Variants in RFX2 observed in about 807,000 individuals in gnomAD.
RFX2 encodes the protein DNA-binding protein RFX2.
Under a neutral mutation model 87.8 loss-of-function variants are expected in RFX2, and 20 were observed. That is an observed-to-expected ratio of 0.23 (90% confidence interval 0.16 to 0.33). The LOEUF is 0.33. Ranked by LOEUF, RFX2 falls within the 10% of genes least tolerant of loss-of-function variation. The pLI, the probability that RFX2 is intolerant of heterozygous loss-of-function variation, is 1.00. For synonymous variants in RFX2, 397 were observed against 431.3 expected, an observed-to-expected ratio of 0.92 and a Z score of 0.98; for missense variants, 767 against 1,012.3, an observed-to-expected ratio of 0.76 and a Z score of 3.29.
rs1043749243 is a variant in RFX2 at position 6,056,973 on chromosome 19, C to A, written c.-8-9469G>T. On this transcript the variant is annotated intron_variant, in intron 1 of 17. Coordinates refer to ENST00000303657, the MANE Select transcript of RFX2 (RefSeq NM_000635.4). This position sits in a 1 kb window ranked among gnomAD's most constrained non-coding sequence, Gnocchi z 4.6. ...CCTCCCTCGTGCCTCAGAAATATGC[C>A]CGGAGTGCTGTTTATAAGCTGAGCA... 6.6e-6 allele frequency among the ~76,000 whole-genome samples: 1 copy of A among 152,140 alleles called. No homozygotes were observed. The highest frequency in any genetic ancestry group is 2.4e-5 in the African/African-American group (1 of 41,418).
intron 5 of RFX2, among the ~76,000 whole-genome samples, chr19:6,037,708 G>A (rs989113340): frequency 3.3e-5 from 5 of 152,072 alleles, no homozygotes; most frequent in Non-Finnish European, 5.9e-5. Flanking sequence ...AATAGTCAAC[G>A]CAATACTGAA....
Position 6,010,555 on chromosome 19 carries a change from C to A in RFX2, c.900-304G>T, listed in dbSNP as rs1325532920. ...CCCCATCCCTGTCCCCAGCCCCTGG[C>A]ACCCCTGATCTGACTTCCCGTCTCT... On this transcript the variant is annotated intron_variant, in intron 8 of 17. Coordinates refer to ENST00000303657, the MANE Select transcript of RFX2 (RefSeq NM_000635.4). The surrounding 1 kb of genome is among the most constrained non-coding windows in gnomAD (Gnocchi z 5.0). Among the ~76,000 whole-genome samples the A allele has an allele frequency of 6.6e-6, 1 of 152,188 alleles. No individual in the cohort carries two copies. Among genetic ancestry groups the A allele is most frequent in the Non-Finnish European group, 1.5e-5 (1 of 68,036 alleles).
Position 6,013,147 on chromosome 19 carries a change from T to A in RFX2, c.780-42A>T. ...CCAGGGTCAGCTCCCTTTGCAGATG[T>A]CCTGAACAACAAGACAGGTTGGGAT... is the stretch of plus-strand genomic sequence containing the variant. On this transcript the variant is annotated intron_variant, in intron 7 of 17. Coordinates refer to ENST00000303657, the MANE Select transcript of RFX2 (RefSeq NM_000635.4). This position sits in a 1 kb window ranked among gnomAD's most constrained non-coding sequence, Gnocchi z 4.1. 6.5e-7 allele frequency: 1 copy of A among 1,537,842 alleles called. No individual in the cohort carries two copies. Among genetic ancestry groups the A allele is most frequent in the Non-Finnish European group, 8.7e-7 (1 of 1,145,184 alleles).
intron 1 of RFX2, among the ~76,000 whole-genome samples, chr19:6,062,700 G>A (rs1284097270): frequency 6.6e-6 from 1 of 152,164 alleles, no homozygotes; most frequent in Non-Finnish European, 1.5e-5. Flanking sequence ...CAGTCCCCGT[G>A]GGGAGTGACT....
intron 1 of RFX2, among the ~76,000 whole-genome samples, chr19:6,105,965 T>C (rs1366576357): frequency 6.6e-6 from 1 of 152,102 alleles, no homozygotes; most frequent in Non-Finnish European, 1.5e-5. Context: ...GCTGGATAGA[T>C]GTTTTCTGCA....
At position 6,001,850 on chromosome 19, in the gene RFX2, G is replaced by GGCCT; in HGVS notation, c.1820_1823dup (p.Ala609GlyfsTer80). The GGCCT allele has an allele frequency of 6.2e-7, 1 of 1,612,660 alleles. No homozygotes were observed. The highest frequency in any genetic ancestry group is 8.5e-7 in the Non-Finnish European group (1 of 1,179,378). ...ACCATTTCAGCAAGAACTGCCGGGC[G>GGCCT]GCCTTGGGGAAGCTGGGGCTGCCGG... On this transcript the variant is annotated frameshift_variant, in exon 15 of 18. Transcript: ENST00000303657. LOFTEE classifies it high-confidence loss of function. The surrounding 1 kb of genome is among the most constrained non-coding windows in gnomAD (Gnocchi z 5.6).
chr19:6,019,222 C>G (rs1166896891), intron 6 of RFX2, among the ~76,000 whole-genome samples: 1 of 152,130 alleles, frequency 6.6e-6, no homozygotes, highest in Non-Finnish European at 1.5e-5. Flanking sequence ...AACAAAGGAC[C>G]CTGAGAAGGG....
At chr19:6,032,778 A>G (rs1441706236) in intron 5 of RFX2, among the ~76,000 whole-genome samples, 1 of 152,160 alleles carries the variant, frequency 6.6e-6, no homozygotes, top group Admixed American at 6.5e-5. Context: ...ATCTTTCTGA[A>G]CCAATTCTGT....
Position 6,017,416 on chromosome 19 carries a change from TA to T in RFX2, c.598-1146del, listed in dbSNP as rs1225080399. Among the ~76,000 whole-genome samples, 5 of 152,196 alleles carry T rather than the reference TA, an allele frequency of 3.3e-5. No individual in the cohort carries two copies. The highest frequency in any genetic ancestry group is 1.2e-4 in the African/African-American group (5 of 41,460). On this transcript the variant is annotated intron_variant, in intron 6 of 17. Transcript: ENST00000303657. The surrounding 1 kb of genome is among the most constrained non-coding windows in gnomAD (Gnocchi z 4.1). ...AACTGATGCCCTCACCCAGGTGCCT[TA>T]AAGACTGCGGCTTAATTCTGGTTTC... is the stretch of plus-strand genomic sequence containing the variant.
At chr19:6,106,671 T>C (rs752171028) in intron 1 of RFX2, among the ~76,000 whole-genome samples, 20 of 152,248 alleles carry the variant, frequency 1.3e-4, no homozygotes, top group Admixed American at 4.6e-4. Flanking sequence ...GTGAGTGTCC[T>C]GACAAGCAAG....
In RFX2 at chr19:5,997,804, A is replaced by T. The variant is rs2086435822; in HGVS notation, c.1860-591T>A. On this transcript the variant is annotated intron_variant, in intron 15 of 17. Transcript: ENST00000303657. The surrounding 1 kb of genome is among the most constrained non-coding windows in gnomAD (Gnocchi z 4.2). ...CCAGCCCTCAGCCTGTGTGCTGACA[A>T]TGCTTTACATTTTGAAATGGTTGGA... Among the ~76,000 whole-genome samples the T allele has an allele frequency of 6.6e-6, 1 of 152,228 alleles. No individual in the cohort carries two copies. Among genetic ancestry groups the T allele is most frequent in the African/African-American group, 2.4e-5 (1 of 41,458 alleles).
chr19:6,024,506 C>T lies in RFX2; in HGVS notation c.597+1657G>A, dbSNP rs1053263662. On this transcript the variant is annotated intron_variant, in intron 6 of 17. Coordinates refer to ENST00000303657, the MANE Select transcript of RFX2 (RefSeq NM_000635.4). The surrounding 1 kb of genome is among the most constrained non-coding windows in gnomAD (Gnocchi z 5.0). ...AGACAATCGGCAGAAGGAAATATTT[C>T]TGCCATTTCTTCTAGTGACCAGCCC... Among the ~76,000 whole-genome samples, 5 of 152,210 alleles carry T rather than the reference C, an allele frequency of 3.3e-5. No homozygotes were observed. The highest frequency in any genetic ancestry group is 4.8e-5 in the African/African-American group (2 of 41,456).
At chr19:6,082,558 G>A (rs375584107) in intron 1 of RFX2, among the ~76,000 whole-genome samples, 4 of 152,086 alleles carry the variant, frequency 2.6e-5, no homozygotes, top group African/African-American at 7.2e-5. Flanking sequence ...ACAGCCTCCC[G>A]TGTAGCTAGG....
rs78985335 is a variant in RFX2 at position 6,004,894 on chromosome 19, G to A, written c.1403-596C>T. Among the ~76,000 whole-genome samples, 2,675 of 152,098 alleles carry A rather than the reference G, an allele frequency of 0.018. 53 individuals carry two copies. Among genetic ancestry groups the A allele is most frequent in the East Asian group, 0.059 (304 of 5,172 alleles). On this transcript the variant is annotated intron_variant, in intron 12 of 17. Coordinates refer to ENST00000303657, the MANE Select transcript of RFX2 (RefSeq NM_000635.4). The surrounding 1 kb of genome is among the most constrained non-coding windows in gnomAD (Gnocchi z 4.8). ...AGCACTTTGGGAGGCCGAGGTGGGC[G>A]GATCACCTGAGGTCCGGAGTTCGAG... is the stretch of plus-strand genomic sequence containing the variant.
Position 6,013,836 on chromosome 19 carries a change from T to C in RFX2, c.780-731A>G, listed in dbSNP as rs774908038. Among the ~76,000 whole-genome samples the C allele has an allele frequency of 6.9e-4, 105 of 152,238 alleles. No individual in the cohort carries two copies. The highest frequency in any genetic ancestry group is 1.1e-3 in the Non-Finnish European group (77 of 68,034). ...AATTCTGTACATAATGCCGTTGTCA[T>C]AGAGAGTCCTCTCTCACAGGCTAGT... On this transcript the variant is annotated intron_variant, in intron 7 of 17. Coordinates refer to ENST00000303657, the MANE Select transcript of RFX2 (RefSeq NM_000635.4). This position sits in a 1 kb window ranked among gnomAD's most constrained non-coding sequence, Gnocchi z 4.1.
At chr19:6,099,190 G>A (rs1945561080) in intron 1 of RFX2, among the ~76,000 whole-genome samples, 1 of 152,080 alleles carries the variant, frequency 6.6e-6, no homozygotes, top group Non-Finnish European at 1.5e-5. Flanking sequence ...CAAAACAAGA[G>A]ACAAATCAAG....
chr19:6,007,277 G>C lies in RFX2; in HGVS notation c.1248-111C>G. On this transcript the variant is annotated intron_variant, in intron 11 of 17. Transcript: ENST00000303657. This position sits in a 1 kb window ranked among gnomAD's most constrained non-coding sequence, Gnocchi z 8.2. ...GGGACTTTTGCCCAACAGTGGGGCT[G>C]GGGTTTTGCTCCCCATCCCTGAGCC... The C allele has an allele frequency of 8.7e-7, 1 of 1,145,474 alleles. No individual in the cohort carries two copies. The highest frequency in any genetic ancestry group is 1.5e-5 in the South Asian group (1 of 67,004). The allele number at this position is 1,145,474 out of a possible 1,614,324, so 71.0% of individuals were successfully genotyped here. A position where few individuals can be genotyped will look rare whatever the true frequency, so the allele number is the denominator to read the frequency against.
Position 6,010,108 on chromosome 19 carries a change from C to A in RFX2, c.1015+28G>T. 1 of 1,443,040 alleles carries A rather than the reference C, an allele frequency of 6.9e-7. No homozygotes were observed. The highest frequency in any genetic ancestry group is 1.2e-5 in the South Asian group (1 of 81,532). The allele number at this position is 1,443,040 out of a possible 1,614,324, so 89.4% of individuals were successfully genotyped here. On this transcript the variant is annotated intron_variant, in intron 9 of 17. Coordinates refer to ENST00000303657, the MANE Select transcript of RFX2 (RefSeq NM_000635.4). This position sits in a 1 kb window ranked among gnomAD's most constrained non-coding sequence, Gnocchi z 5.0. ...GAGTGTGGCGAGCAGATGGGAGCCC[C>A]GCCCCCGGGCCTGACCGGGCCTCTC... is the stretch of plus-strand genomic sequence containing the variant.
Position 6,010,046 on chromosome 19 carries a change from C to T in RFX2, c.1015+90G>A. The T allele has an allele frequency of 1.3e-6, 1 of 745,992 alleles. No individual in the cohort carries two copies. Among genetic ancestry groups the T allele is most frequent in the Non-Finnish European group, 2.2e-6 (1 of 458,298 alleles). 46.2% of individuals were successfully genotyped at this position (745,992 alleles called of 1,614,324 possible). A position where few individuals can be genotyped will look rare whatever the true frequency, so the allele number is the denominator to read the frequency against. On this transcript the variant is annotated intron_variant, in intron 9 of 17. Coordinates refer to ENST00000303657, the MANE Select transcript of RFX2 (RefSeq NM_000635.4). The surrounding 1 kb of genome is among the most constrained non-coding windows in gnomAD (Gnocchi z 5.0). ...GTAAGAAAACTGTCGGAAGCAGACGCTTAGACACCACTGGTTCTGCTGGTG... is the reference window on the plus strand; with the variant it reads ...GTAAGAAAACTGTCGGAAGCAGACGTTTAGACACCACTGGTTCTGCTGGTG...
Sources: gnomAD v4.1 joint callset for allele counts (sites outside exome capture counted in the v4.1 genomes callset) on GRCh38, gnomAD v4.1.1 for gene constraint, Gnocchi (gnomAD v3.1) non-coding constraint, MANE v1.5 for transcripts, NCBI Gene and HGNC (gene_info 2026-07-23, HGNC 2026-07-21) for gene names.